Variants in NTF3 observed in about 807,000 individuals in gnomAD.
NTF3 encodes the protein neurotrophin 3, also known as neurotrophin-3.
NTF3 carries 8 observed loss-of-function variants against 26.3 expected under a neutral mutation model. That is an observed-to-expected ratio of 0.30 (90% CI 0.18 to 0.55). NTF3 has a LOEUF of 0.55. Ranked by LOEUF, NTF3 falls within the 20% of genes least tolerant of loss-of-function variation. The pLI, the probability that NTF3 is intolerant of heterozygous loss-of-function variation, is 0.93. For synonymous variants in NTF3, 154 were observed against 145.5 expected (o/e 1.06, Z -0.42); for missense variants, 276 against 352.9 (o/e 0.78, Z 1.75).
At chr12:5,430,580 A>G (rs1800598), upstream of NTF3, among the ~76,000 whole-genome samples, 107 of 148,718 alleles carry the variant, frequency 7.2e-4, 1 homozygote, top group East Asian at 0.02. Context: ...CGCAGCCCCC[A>G]GACTCCCCCC....
rs752754143 is a variant in NTF3 at position 5,456,575 on chromosome 12, G to T, written c.18+24233G>T. ...AGAAAGGGTCTGCATTCTGTTTGCA[G>T]CCCTGATCGTGAGCTCTGGGGGTCC... On this transcript the variant is annotated intron_variant, in intron 1 of 1. Coordinates refer to ENST00000423158, the MANE Select transcript of NTF3 (RefSeq NM_001102654.2). The surrounding 1 kb of genome is among the most constrained non-coding windows in gnomAD (Gnocchi z 4.4). Among the ~76,000 whole-genome samples the T allele has an allele frequency of 2.0e-5, 3 of 152,136 alleles. No homozygotes were observed. Among genetic ancestry groups the T allele is most frequent in the Non-Finnish European group, 4.4e-5 (3 of 68,030 alleles).
chr12:5,436,983 C>T (rs1940175403), intron 1 of NTF3, among the ~76,000 whole-genome samples: 1 of 152,164 alleles, frequency 6.6e-6, no homozygotes, highest in Non-Finnish European at 1.5e-5. Flanking sequence ...AATAATTGCC[C>T]TTGACATAGG....
chr12:5,431,056 G>T (rs959097123), upstream of NTF3, among the ~76,000 whole-genome samples: 2 of 152,170 alleles, frequency 1.3e-5, no homozygotes, highest in South Asian at 2.1e-4. Flanking sequence ...AGAGAGAACG[G>T]CTCGGAGCAA....
intron 1 of NTF3, among the ~76,000 whole-genome samples, chr12:5,459,334 A>C (rs1426553790): frequency 6.6e-6 from 1 of 152,164 alleles, no homozygotes; most frequent in Non-Finnish European, 1.5e-5. Flanking sequence ...GGAAGAGTGA[A>C]AAGAGGGCTT....
intron 1 of NTF3, among the ~76,000 whole-genome samples, chr12:5,492,069 T>G (rs775509754): frequency 3.3e-5 from 5 of 152,192 alleles, no homozygotes; most frequent in Non-Finnish European, 7.3e-5. Flanking sequence ...GATGAAGGAA[T>G]AAGATTAGAT....
intron 1 of NTF3, among the ~76,000 whole-genome samples, chr12:5,455,533 AACACACACACAC>A (rs60429736): frequency 0.036 from 3,689 of 103,764 alleles, 97 homozygotes; most frequent in Non-Finnish European, 0.046. Flanking sequence ...ACCCCTCCCC[AACACACACACAC>A]ACACACACAC....
Position 5,495,033 on chromosome 12 carries a change from G to A in NTF3, c.*45G>A, listed in dbSNP as rs200275467. On this transcript the variant is annotated 3_prime_UTR_variant, in exon 2 of 2. Transcript: ENST00000423158. ...TATAAATTATTACTTTAAATTATAT[G>A]ATATGCATGTAGCATATAAATGTTT... is the stretch of plus-strand genomic sequence containing the variant. The A allele has an allele frequency of 2.0e-5, 30 of 1,505,824 alleles. No homozygotes were observed. The East Asian group carries it at 6.4e-4, about 32-fold the overall frequency. The allele number at this position is 1,505,824 out of a possible 1,614,324, so 93.3% of individuals were successfully genotyped here.
intron 1 of NTF3, among the ~76,000 whole-genome samples, chr12:5,451,992 T>C (rs961072732): frequency 2.0e-5 from 3 of 150,156 alleles, no homozygotes; most frequent in Non-Finnish European, 4.4e-5. Flanking sequence ...CATGCCCAGC[T>C]CCCTTTTATA....
chr12:5,433,558 G>C lies in NTF3; in HGVS notation c.18+1216G>C. Reference sequence around the variant, plus strand: ...GCTGCTTCTTTGCGGGAGTTTGGCTGCTGCGTTCATTCGTCGTCTGCGCTT... The same window carrying C: ...GCTGCTTCTTTGCGGGAGTTTGGCTCCTGCGTTCATTCGTCGTCTGCGCTT... On this transcript the variant is annotated intron_variant, in intron 1 of 1. Transcript: ENST00000423158. This position sits in a 1 kb window ranked among gnomAD's most constrained non-coding sequence, Gnocchi z 4.6. Among the ~76,000 whole-genome samples, 1 of 152,120 alleles carries C rather than the reference G, an allele frequency of 6.6e-6. No homozygotes were observed. Among genetic ancestry groups the C allele is most frequent in the East Asian group, 1.9e-4 (1 of 5,164 alleles).
intron 1 of NTF3, among the ~76,000 whole-genome samples, chr12:5,440,597 A>G (rs2121144821): frequency 6.6e-6 from 1 of 152,264 alleles, no homozygotes; most frequent in Admixed American, 6.5e-5. Context: ...GGTGTGTCCC[A>G]TGGTGGGGAA....
intron 1 of NTF3, among the ~76,000 whole-genome samples, chr12:5,488,215 T>C (rs4930767): frequency 0.48 from 73,075 of 151,964 alleles, 17,743 homozygotes; most frequent in South Asian, 0.57. Flanking sequence ...TTGGATCCAT[T>C]GTAACCCCAG....
intron 1 of NTF3, among the ~76,000 whole-genome samples, chr12:5,446,022 G>A (rs1194490897): frequency 6.6e-6 from 1 of 152,172 alleles, no homozygotes; most frequent in African/African-American, 2.4e-5. Context: ...GGGAACAGCA[G>A]GGAGAAAGAC....
chr12:5,491,956 C>T lies in NTF3; in HGVS notation c.19-2238C>T, dbSNP rs1310666784. Among the ~76,000 whole-genome samples, 5 of 152,042 alleles carry T rather than the reference C, an allele frequency of 3.3e-5. No individual in the cohort carries two copies. The East Asian group carries it at 9.7e-4, about 29-fold the overall frequency. ...GTCTCGATCTCCTGACCTCGTGATC[C>T]ACCCACCTCGGCCTCCCAAAGTGCT... On this transcript the variant is annotated intron_variant, in intron 1 of 1. Coordinates refer to ENST00000423158, the MANE Select transcript of NTF3 (RefSeq NM_001102654.2).
In NTF3 at chr12:5,432,186, T is replaced by C. The variant is rs1385391626; in HGVS notation, c.-139T>C. The C allele has an allele frequency of 4.9e-6, 5 of 1,022,628 alleles. No individual in the cohort carries two copies. The highest frequency in any genetic ancestry group is 7.6e-6 in the Non-Finnish European group (5 of 659,924). The allele number at this position is 1,022,628 out of a possible 1,614,324, so 63.3% of individuals were successfully genotyped here. A position where few individuals can be genotyped will look rare whatever the true frequency, so the allele number is the denominator to read the frequency against. ...ACGCAGCCCGGCGCAACTACTTTCT[T>C]CTCTCTCCTTTCTTTCTTCCTCTCC... On this transcript the variant is annotated 5_prime_UTR_variant, in exon 1 of 2. Coordinates refer to ENST00000423158, the MANE Select transcript of NTF3 (RefSeq NM_001102654.2).
intron 1 of NTF3, among the ~76,000 whole-genome samples, chr12:5,468,029 T>C (rs995809356): frequency 1.3e-5 from 2 of 152,146 alleles, no homozygotes; most frequent in African/African-American, 4.8e-5. Context: ...ATTTCCTCTC[T>C]GAGGGAATAT....
intron 1 of NTF3, among the ~76,000 whole-genome samples, chr12:5,493,751 C>CT (rs1940967283): frequency 6.6e-6 from 1 of 152,136 alleles, no homozygotes; most frequent in African/African-American, 2.4e-5. Context: ...CAGTCGAACT[C>CT]TTTCTTGAGA....
intron 1 of NTF3, among the ~76,000 whole-genome samples, chr12:5,475,548 G>T (rs139214705): frequency 6.6e-6 from 1 of 151,880 alleles, no homozygotes; most frequent in African/African-American, 2.4e-5. Context: ...TTGAAAATAT[G>T]TCTGGGCCAG....
intron 1 of NTF3, among the ~76,000 whole-genome samples, chr12:5,493,258 A>G (rs930457104): frequency 2.0e-5 from 3 of 152,252 alleles, no homozygotes; most frequent in African/African-American, 2.4e-5. Context: ...TACTATGGCA[A>G]CAGAATGAGA....
At chr12:5,446,259 G>C (rs1940303738) in intron 1 of NTF3, among the ~76,000 whole-genome samples, 1 of 152,180 alleles carries the variant, frequency 6.6e-6, no homozygotes, top group African/African-American at 2.4e-5. Flanking sequence ...TACCAGACTT[G>C]AGGGCACAGT....
Sources: gnomAD v4.1 joint callset for allele counts (sites outside exome capture counted in the v4.1 genomes callset) on GRCh38, gnomAD v4.1.1 for gene constraint, Gnocchi (gnomAD v3.1) non-coding constraint, MANE v1.5 for transcripts, NCBI Gene and HGNC (gene_info 2026-07-23, HGNC 2026-07-21) for gene names.